NTSR1: variants seen among roughly 807,000 people sequenced by gnomAD.
NTSR1 encodes the protein neurotensin receptor type 1.
A neutral mutation model predicts 31.2 loss-of-function variants in NTSR1; 29 were observed. The observed-to-expected ratio is 0.93, with a 90% confidence interval of 0.69 to 1.27. The LOEUF (loss-of-function observed/expected upper bound fraction) is 1.27, where lower values mean the gene tolerates loss of function less well. Ranked by LOEUF, NTSR1 falls within the 50% of genes most tolerant of loss-of-function variation. The pLI is 0.00. For synonymous variants in NTSR1, 282 were observed against 269.9 expected, an observed-to-expected ratio of 1.04 and a Z score of -0.44; for missense variants, 697 against 595.4, an observed-to-expected ratio of 1.17 and a Z score of -1.78.
intron 1 of NTSR1, among the ~76,000 whole-genome samples, chr20:62,734,269 A>T (rs894515007): frequency 1.3e-5 from 2 of 149,442 alleles, no homozygotes; most frequent in African/African-American, 4.9e-5. Flanking sequence ...GCTTTTCTGG[A>T]GCCTTCTCTG....
At chr20:62,719,732 C>A (rs146255603) in intron 1 of NTSR1, among the ~76,000 whole-genome samples, 2 of 152,206 alleles carry the variant, frequency 1.3e-5, no homozygotes, top group African/African-American at 4.8e-5. Flanking sequence ...GACCTCATTT[C>A]GTCGTGTATT....
rs1235969908 is a variant in NTSR1 at position 62,761,283 on chromosome 20, G to A, written c.*1016G>A. ...AGGGGCGATGGTGCCTGGTCTCTGA[G>A]TAAGATGCCAGGTCCCAGGAACTCA... On this transcript the variant is annotated 3_prime_UTR_variant, in exon 4 of 4. Transcript: ENST00000370501. 6.6e-6 allele frequency: 1 copy of A among 152,344 alleles called. No homozygotes were observed. The highest frequency in any genetic ancestry group is 1.5e-5 in the Non-Finnish European group (1 of 68,146). The allele number at this position is 152,344 out of a possible 1,614,324, so 9.4% of individuals were successfully genotyped here. A position where few individuals can be genotyped will look rare whatever the true frequency, so the allele number is the denominator to read the frequency against.
At chr20:62,757,044 C>T (rs1989525002) in intron 2 of NTSR1, among the ~76,000 whole-genome samples, 1 of 152,182 alleles carries the variant, frequency 6.6e-6, no homozygotes, top group South Asian at 2.1e-4. Context: ...TTCCACTCTC[C>T]TGATGGCATC....
chr20:62,730,702 AG>A (rs1988988042), intron 1 of NTSR1, among the ~76,000 whole-genome samples: 1 of 152,246 alleles, frequency 6.6e-6, no homozygotes. Context: ...AATTCCCAGC[AG>A]CCACGGGTGA....
Position 62,760,195 on chromosome 20 carries a change from C to T in NTSR1, c.1185C>T (p.Phe395=), listed in dbSNP as rs142679048. The T allele has an allele frequency of 1.1e-4, 172 of 1,613,994 alleles. No homozygotes were observed. The African/African-American group carries it at 2.0e-3, about 19-fold the overall frequency. The part of the protein sequence containing the change: ...VWRRRRKRPA[F]SRKADSVSSN... Reference sequence around the variant, plus strand: ...GGCGCAGGAGGAAGAGGCCAGCCTTCTCGAGGAAGGCCGACAGCGTGTCCA... The same window carrying T: ...GGCGCAGGAGGAAGAGGCCAGCCTTTTCGAGGAAGGCCGACAGCGTGTCCA... The change falls in exon 4 of 4, where the codon TTC becomes TTT. Residue 395 remains phenylalanine (F), a synonymous_variant. Coordinates refer to ENST00000370501, the MANE Select transcript of NTSR1 (RefSeq NM_002531.3).
At chr20:62,709,987 G>A in intron 1 of NTSR1, 66 bp downstream of exon 1, 1 of 1,290,558 alleles carries the variant, frequency 7.7e-7, no homozygotes, top group South Asian at 1.5e-5. Context: ...CCAGTGGTGT[G>A]CCTTCTGGGT....
chr20:62,740,120 C>A (rs1334910974), intron 1 of NTSR1, among the ~76,000 whole-genome samples: 1 of 152,240 alleles, frequency 6.6e-6, no homozygotes, highest in Non-Finnish European at 1.5e-5. Context: ...AGAACTTTTC[C>A]GGATGGTGTG....
intron 1 of NTSR1, among the ~76,000 whole-genome samples, chr20:62,719,753 G>A (rs1988801107): frequency 6.6e-6 from 1 of 152,184 alleles, no homozygotes; most frequent in African/African-American, 2.4e-5. Flanking sequence ...AGCTGGTTTT[G>A]ACTTGCTAGT....
chr20:62,749,129 G>A (rs910960419), intron 1 of NTSR1, among the ~76,000 whole-genome samples: 1 of 152,284 alleles, frequency 6.6e-6, no homozygotes, highest in Middle Eastern at 3.4e-3. Context: ...TGGGAAAACT[G>A]GATATCCCCA....
intron 2 of NTSR1, among the ~76,000 whole-genome samples, chr20:62,757,922 G>T (rs1989539535): frequency 6.6e-6 from 1 of 151,836 alleles, no homozygotes; most frequent in South Asian, 2.1e-4. Flanking sequence ...CCCCCACTGA[G>T]CCCACGCCTC....
chr20:62,757,857 C>T (rs1989537502), intron 2 of NTSR1, among the ~76,000 whole-genome samples: 1 of 152,076 alleles, frequency 6.6e-6, no homozygotes, highest in Admixed American at 6.6e-5. Context: ...TGCTCCCTCC[C>T]CAAGCCCACG....
intron 1 of NTSR1, among the ~76,000 whole-genome samples, chr20:62,738,619 G>A (rs528444905): frequency 3.7e-4 from 57 of 152,360 alleles, no homozygotes; most frequent in Non-Finnish European, 6.6e-4. Context: ...CTCCTACCTT[G>A]CAAGGTGGCC....
intron 1 of NTSR1, 147 bp downstream of exon 1, chr20:62,710,068 G>A: frequency 2.9e-6 from 2 of 700,604 alleles, no homozygotes; most frequent in Admixed American, 3.0e-5. Flanking sequence ...GGCAGCTTGG[G>A]GGCAGCTCCA....
At position 62,741,356 on chromosome 20, in the gene NTSR1, C is replaced by T. The variant is rs1989203398; in HGVS notation, c.715-13329C>T. ...GGGAAAAGATTCCAACTCCCACACT[C>T]AGGGCTCCCTGCTGCCTGGAAGAGG... On this transcript the variant is annotated intron_variant, in intron 1 of 3. Transcript: ENST00000370501. This position sits in a 1 kb window ranked among gnomAD's most constrained non-coding sequence, Gnocchi z 4.3. Among the ~76,000 whole-genome samples, 1 of 137,036 alleles carries T rather than the reference C, an allele frequency of 7.3e-6. No homozygotes were observed. The highest frequency in any genetic ancestry group is 3.0e-5 in the African/African-American group (1 of 32,978). 89.9% of individuals were successfully genotyped at this position (137,036 alleles called of 152,430 possible).
Position 62,740,345 on chromosome 20 carries a change from T to C in NTSR1, c.715-14340T>C, listed in dbSNP as rs561119338. ...GGAAAAGGGTTGTGGGGCTCATTCT[T>C]AGTCATAGGGTGAGCGGCAGGCAGA... On this transcript the variant is annotated intron_variant, in intron 1 of 3. Coordinates refer to ENST00000370501, the MANE Select transcript of NTSR1 (RefSeq NM_002531.3). 2.2e-5 allele frequency among the ~76,000 whole-genome samples: 3 copies of C among 137,350 alleles called. No homozygotes were observed. The East Asian group carries it at 7.1e-4, about 33-fold the overall frequency. The allele number at this position is 137,350 out of a possible 152,430, so 90.1% of individuals were successfully genotyped here. A position where few individuals can be genotyped will look rare whatever the true frequency, so the allele number is the denominator to read the frequency against.
chr20:62,718,555 C>T (rs1988776052), intron 1 of NTSR1, among the ~76,000 whole-genome samples: 1 of 150,962 alleles, frequency 6.6e-6, no homozygotes, highest in African/African-American at 2.4e-5. Context: ...CCGATGCCCG[C>T]CCCTCCACCC....
rs1989240827 is a variant in NTSR1, at chr20:62,743,556, C to G, written c.715-11129C>G. ...CCCCTGCCAGCCCAGCAAGGCCACC[C>G]CAGCGGTCACCCCCTTGGGAGGGTG... On this transcript the variant is annotated intron_variant, in intron 1 of 3. Coordinates refer to ENST00000370501, the MANE Select transcript of NTSR1 (RefSeq NM_002531.3). This position sits in a 1 kb window ranked among gnomAD's most constrained non-coding sequence, Gnocchi z 7.5. Among the ~76,000 whole-genome samples the G allele has an allele frequency of 6.6e-6, 1 of 152,204 alleles. No homozygotes were observed. The highest frequency in any genetic ancestry group is 1.5e-5 in the Non-Finnish European group (1 of 68,026).
At position 62,746,161 on chromosome 20, in the gene NTSR1, C is replaced by T. The variant is rs538128104; in HGVS notation, c.715-8524C>T. On this transcript the variant is annotated intron_variant, in intron 1 of 3. Transcript: ENST00000370501. ...CCGCCCGGCGGGTCACCACCAGGCC[C>T]CCACACTACCCCAGCCTGGCCGTCT... 3.3e-5 allele frequency among the ~76,000 whole-genome samples: 5 copies of T among 152,230 alleles called. No individual in the cohort carries two copies. The South Asian group carries it at 8.3e-4, about 25-fold the overall frequency.
Position 62,709,012 on chromosome 20 carries a change from GCGGAGCC to G in NTSR1, c.-178_-172del, listed in dbSNP as rs938255705. 68 of 462,070 alleles carry G rather than the reference GCGGAGCC, an allele frequency of 1.5e-4. No individual in the cohort carries two copies. Among genetic ancestry groups the G allele is most frequent in the South Asian group, 3.7e-4 (8 of 21,666 alleles). 28.6% of individuals were successfully genotyped at this position (462,070 alleles called of 1,614,324 possible). A position where few individuals can be genotyped will look rare whatever the true frequency, so the allele number is the denominator to read the frequency against. ...CCGGAAGCTGGGAGTCCGGAGGAGA[GCGGAGCC>G]CGGAGCCCGGAGCCCGGGGCGGCGC... On this transcript the variant is annotated 5_prime_UTR_variant, in exon 1 of 4. Transcript: ENST00000370501.
Sources: gnomAD v4.1 joint callset for allele counts (sites outside exome capture counted in the v4.1 genomes callset) on GRCh38, gnomAD v4.1.1 for gene constraint, Gnocchi (gnomAD v3.1) non-coding constraint, MANE v1.5 for transcripts, NCBI Gene and HGNC (gene_info 2026-07-23, HGNC 2026-07-21) for gene names.